The following ARMH3 variants were observed in gnomAD, a reference collection of about 807,000 sequenced individuals.
ARMH3 encodes the protein armadillo like helical domain containing 3, also known as armadillo-like helical domain-containing protein 3.
Under a neutral mutation model 99.1 loss-of-function variants are expected in ARMH3, and 60 were observed. That is an observed-to-expected ratio of 0.61 (90% CI 0.49 to 0.75). The LOEUF (loss-of-function observed/expected upper bound fraction) is 0.75. Among genes scored for constraint, ARMH3 ranks in the 30% least tolerant of loss-of-function variants. The probability of loss-of-function intolerance (pLI) is 0.00; values close to 1 mark genes in which losing one functional copy is unlikely to be tolerated. For synonymous variants in ARMH3, 285 were observed against 292.8 expected (o/e 0.97, Z 0.27); for missense variants, 679 against 843.1 (o/e 0.81, Z 2.41).
At position 102,013,965 on chromosome 10, in the gene ARMH3, C is replaced by T. The variant is rs373186352; in HGVS notation, c.726+3G>A. The T allele has an allele frequency of 1.2e-6, 2 of 1,600,264 alleles. No homozygotes were observed. Among genetic ancestry groups the T allele is most frequent in the Non-Finnish European group, 1.7e-6 (2 of 1,171,202 alleles). On this transcript the variant is annotated splice_donor_region_variant and intron_variant, in intron 9 of 25. Coordinates refer to ENST00000370033, the MANE Select transcript of ARMH3 (RefSeq NM_024541.3). ...GACAATACACAAGGATCCAGATACT[C>T]ACATTGAGTGTGGCCTCATCATCCA...
chr10:101,883,412 T>C (rs1286203472), intron 24 of ARMH3, among the ~76,000 whole-genome samples: 2 of 144,474 alleles, frequency 1.4e-5, no homozygotes, highest in African/African-American at 2.5e-5. Context: ...CAAGACCTTG[T>C]CTCTAAAAAA....
At chr10:101,952,921 G>T (rs573558442) in intron 22 of ARMH3, among the ~76,000 whole-genome samples, 28 of 152,244 alleles carry the variant, frequency 1.8e-4, no homozygotes, top group African/African-American at 6.5e-4. Context: ...CTACCCCTTT[G>T]TTACTGCTTT....
intron 8 of ARMH3, among the ~76,000 whole-genome samples, chr10:102,017,551 T>C (rs928441431): frequency 1.3e-5 from 2 of 152,226 alleles, no homozygotes; most frequent in Admixed American, 6.5e-5. Flanking sequence ...TATTCATTAC[T>C]GATGATAGTG....
chr10:101,973,188 G>A (rs947195446), intron 20 of ARMH3, among the ~76,000 whole-genome samples: 3 of 151,664 alleles, frequency 2.0e-5, no homozygotes, highest in Non-Finnish European at 4.4e-5. Context: ...GTGAAACTCC[G>A]TCTCTACTAA....
intron 23 of ARMH3, among the ~76,000 whole-genome samples, chr10:101,930,515 T>C (rs1843680512): frequency 6.6e-6 from 1 of 152,156 alleles, no homozygotes; most frequent in African/African-American, 2.4e-5. Flanking sequence ...GGTATACGTG[T>C]ATTCATTTTG....
At chr10:102,010,057 C>A (rs1194387302) in intron 11 of ARMH3, 34 bp from the exon 12 acceptor site, 4 of 1,602,722 alleles carry the variant, frequency 2.5e-6, no homozygotes, top group Non-Finnish European at 3.4e-6. Context: ...AAACTTATAG[C>A]AGGAGGATAT....
chr10:101,867,272 C>T (rs891254487), intron 24 of ARMH3, among the ~76,000 whole-genome samples: 1 of 152,192 alleles, frequency 6.6e-6, no homozygotes, highest in African/African-American at 2.4e-5. Flanking sequence ...AAGCACCCTG[C>T]CAGTAAGGAA....
At chr10:101,893,661 A>G (rs1327502876) in intron 23 of ARMH3, among the ~76,000 whole-genome samples, 2 of 152,056 alleles carry the variant, frequency 1.3e-5, no homozygotes, top group African/African-American at 4.8e-5. Context: ...AAGCAAGGAC[A>G]TAAGACAGGA....
intron 1 of ARMH3, among the ~76,000 whole-genome samples, chr10:102,049,662 C>G (rs1298007398): frequency 6.7e-6 from 1 of 150,280 alleles, no homozygotes; most frequent in East Asian, 2.0e-4. Context: ...CCTCAGGGAT[C>G]CTCTGACCTC....
intron 1 of ARMH3, among the ~76,000 whole-genome samples, chr10:102,046,334 G>GAGAAAA (rs567655743): frequency 0.021 from 3,172 of 149,266 alleles, 62 homozygotes; most frequent in Non-Finnish European, 0.037. Flanking sequence ...AAAGAGAAAA[G>GAGAAAA]AGAAAAAGAA....
At chr10:101,869,996 G>C (rs770404567) in intron 24 of ARMH3, among the ~76,000 whole-genome samples, 2 of 152,216 alleles carry the variant, frequency 1.3e-5, no homozygotes, top group Non-Finnish European at 2.9e-5. Flanking sequence ...TTGCGCCACT[G>C]CACTCCAGCC....
At chr10:101,904,381 G>A (rs888705026) in intron 23 of ARMH3, among the ~76,000 whole-genome samples, 1 of 152,022 alleles carries the variant, frequency 6.6e-6, no homozygotes, top group African/African-American at 2.4e-5. Flanking sequence ...ATAAATGACA[G>A]CAACACAGCA....
Position 101,889,419 on chromosome 10 carries a change from T to G in ARMH3, c.1853A>C (p.Glu618Ala). Residue 618 changes from glutamate (E) to alanine (A), a missense_variant, in exon 24 of 26, where the codon GAG becomes GCG. This residue lies in a region of ARMH3 where 389 missense variants were observed against 456.5 expected (regional missense o/e 0.85). Transcript: ENST00000370033. ...AAVNHISQLSEEQVLEVVRAN... is the reference protein window; with the variant it reads ...AAVNHISQLSAEQVLEVVRAN... ...GGGAAAGTAGTGGCTTACCTGCTCC[T>G]CTGACAGTTGGGATATGTGATTCAC... is the stretch of plus-strand genomic sequence containing the variant. 6.2e-7 allele frequency: 1 copy of G among 1,613,516 alleles called. No individual in the cohort carries two copies. Among genetic ancestry groups the G allele is most frequent in the Non-Finnish European group, 8.5e-7 (1 of 1,179,402 alleles).
chr10:101,864,076 A>C (rs199969355), intron 24 of ARMH3, among the ~76,000 whole-genome samples: 25,192 of 124,050 alleles, frequency 0.2, 2,533 homozygotes, highest in Non-Finnish European at 0.26. Flanking sequence ...AAAAAAAAAA[A>C]AAACACACAC....
chr10:101,866,667 T>C (rs1333032757), intron 24 of ARMH3, among the ~76,000 whole-genome samples: 2 of 152,030 alleles, frequency 1.3e-5, no homozygotes, highest in African/African-American at 4.8e-5. Context: ...CTAATGTGAT[T>C]AGAGAAAAAG....
intron 13 of ARMH3, among the ~76,000 whole-genome samples, chr10:102,007,488 CAGATGT>C (rs1258803655): frequency 6.6e-6 from 1 of 151,256 alleles, no homozygotes; most frequent in Non-Finnish European, 1.5e-5. Context: ...AATTGACTAG[CAGATGT>C]AGATGAGTCA....
At chr10:102,018,740 G>C (rs2066807298) in intron 8 of ARMH3, among the ~76,000 whole-genome samples, 2 of 152,154 alleles carry the variant, frequency 1.3e-5, no homozygotes, top group Non-Finnish European at 2.9e-5. Flanking sequence ...CAGATCACTT[G>C]AGGTCAGGAG....
chr10:101,902,290 C>A (rs2068000493), intron 23 of ARMH3, among the ~76,000 whole-genome samples: 1 of 152,106 alleles, frequency 6.6e-6, no homozygotes, highest in Non-Finnish European at 1.5e-5. Flanking sequence ...AGCTGTGAGA[C>A]AAATTCAAAA....
intron 23 of ARMH3, among the ~76,000 whole-genome samples, chr10:101,890,358 C>G (rs995182093): frequency 1.3e-5 from 2 of 151,912 alleles, no homozygotes; most frequent in African/African-American, 4.8e-5. Context: ...ATCCTCCCAC[C>G]TAAGCCTCCC....
Sources: allele counts gnomAD v4.1 joint callset (sites outside exome capture counted in the v4.1 genomes callset), GRCh38; gene constraint gnomAD v4.1.1; regional missense constraint gnomAD v4.1.1; transcripts MANE v1.5; gene names NCBI Gene and HGNC (gene_info 2026-07-23, HGNC 2026-07-21).